The following AKAIN1 variants were observed in gnomAD, a reference collection of about 807,000 sequenced individuals.
The protein encoded by AKAIN1 is A-kinase anchor protein inhibitor 1.
AKAIN1 carries 3 observed loss-of-function variants against 3.7 expected under a neutral mutation model. That is an observed-to-expected ratio of 0.82 (90% CI 0.37 to 2.12). The LOEUF (loss-of-function observed/expected upper bound fraction) is 2.12, where lower values mean the gene tolerates loss of function less well. AKAIN1 is among the 30% of genes most tolerant of loss of function. The pLI, the probability that AKAIN1 is intolerant of heterozygous loss-of-function variation, is 0.06. For missense variants in AKAIN1, 82 were observed against 82.7 expected, an observed-to-expected ratio of 0.99 and a Z score of 0.03; for synonymous variants, 31 against 30.8, an observed-to-expected ratio of 1.01 and a Z score of -0.02.
chr18:5,196,206 C>A (rs928022095), intron 1 of AKAIN1, among the ~76,000 whole-genome samples: 1 of 152,128 alleles, frequency 6.6e-6, no homozygotes, highest in African/African-American at 2.4e-5. Flanking sequence ...CCCTAAAATG[C>A]GTGAGAGAGA....
At position 5,161,844 on chromosome 18, in the gene AKAIN1, G is replaced by A. The variant is rs77147088; in HGVS notation, c.17-16089C>T. On this transcript the variant is annotated intron_variant, in intron 1 of 1. Coordinates refer to ENST00000434239, the MANE Select transcript of AKAIN1 (RefSeq NM_001145194.2). ...AAAGCACACTGGCCAATTTTCTAAT[G>A]CTAACCAATCTTTAATTCTTTGGAT... Among the ~76,000 whole-genome samples, 584 of 152,080 alleles carry A rather than the reference G, an allele frequency of 3.8e-3. 4 individuals are homozygous for A. Among genetic ancestry groups the A allele is most frequent in the African/African-American group, 0.013 (549 of 41,504 alleles).
intron 1 of AKAIN1, among the ~76,000 whole-genome samples, chr18:5,189,397 A>G (rs1021128878): frequency 2.0e-5 from 3 of 152,122 alleles, no homozygotes; most frequent in African/African-American, 7.2e-5. Flanking sequence ...TTCACTCTTT[A>G]TATAGCCAGG....
intron 1 of AKAIN1, among the ~76,000 whole-genome samples, chr18:5,163,366 G>T (rs1407717762): frequency 1.3e-5 from 2 of 151,994 alleles, no homozygotes; most frequent in Non-Finnish European, 2.9e-5. Context: ...CTCAAACCAG[G>T]ATTATGAAGA....
chr18:5,155,735 T>C lies in AKAIN1; in HGVS notation c.17-9980A>G, dbSNP rs570704949. 3.3e-5 allele frequency among the ~76,000 whole-genome samples: 5 copies of C among 152,270 alleles called. No homozygotes were observed. In the South Asian group the frequency reaches 8.3e-4, roughly 25 times the overall value. On this transcript the variant is annotated intron_variant, in intron 1 of 1. Transcript: ENST00000434239. ...TTATAGGGGCAGCAAAAGTAGACAC[T>C]GTGTGATCTCATGTGCTAAAGGAAG...
intron 1 of AKAIN1, among the ~76,000 whole-genome samples, chr18:5,156,482 T>C (rs1318452927): frequency 6.6e-6 from 1 of 152,188 alleles, no homozygotes; most frequent in Non-Finnish European, 1.5e-5. Flanking sequence ...AGGAAAATTA[T>C]CCTCTGCCAT....
chr18:5,145,512 T>C lies in AKAIN1; in HGVS notation c.*50A>G, dbSNP rs1421307792. On this transcript the variant is annotated 3_prime_UTR_variant, in exon 2 of 2. Transcript: ENST00000434239. ...AACATTTTGGAGATGCGTCCTATACTAAGAGGAAGGCTAGAAACCAAGCAC... is the reference window on the plus strand; with the variant it reads ...AACATTTTGGAGATGCGTCCTATACCAAGAGGAAGGCTAGAAACCAAGCAC... 2 of 1,489,578 alleles carry C rather than the reference T, an allele frequency of 1.3e-6. No homozygotes were observed. Among genetic ancestry groups the C allele is most frequent in the Admixed American group, 2.0e-5 (1 of 50,240 alleles). The allele number at this position is 1,489,578 out of a possible 1,614,324, so 92.3% of individuals were successfully genotyped here.
intron 1 of AKAIN1, 93 bp from the exon 2 acceptor site, chr18:5,145,848 G>C: frequency 2.8e-6 from 3 of 1,084,742 alleles, no homozygotes; most frequent in Non-Finnish European, 4.0e-6. Context: ...GGAGGGAAGA[G>C]TGAGACTGTA....
rs527303559 is a variant in AKAIN1 at position 5,143,726 on chromosome 18, CAGAGGTCAATA to C, written c.*1825_*1835del. On this transcript the variant is annotated 3_prime_UTR_variant, in exon 2 of 2. Coordinates refer to ENST00000434239, the MANE Select transcript of AKAIN1 (RefSeq NM_001145194.2). ...TTTATTTATAAATAACATTTAGACA[CAGAGGTCAATA>C]AGATGTTCCAAAAATTCCCAATTTT... Among the ~76,000 whole-genome samples, 2 of 152,120 alleles carry C rather than the reference CAGAGGTCAATA, an allele frequency of 1.3e-5. No individual in the cohort carries two copies. Among genetic ancestry groups the C allele is most frequent in the Admixed American group, 6.6e-5 (1 of 15,264 alleles).
chr18:5,158,492 T>C (rs1469115223), intron 1 of AKAIN1, among the ~76,000 whole-genome samples: 2 of 152,202 alleles, frequency 1.3e-5, no homozygotes, highest in Non-Finnish European at 2.9e-5. Flanking sequence ...ATCTCTGCCA[T>C]CTCCTAGCTT....
At chr18:5,154,581 A>G (rs2657955) in intron 1 of AKAIN1, among the ~76,000 whole-genome samples, 79,195 of 151,214 alleles carry the variant, frequency 0.52, 20,890 homozygotes, top group South Asian at 0.71. Context: ...CAACCAACTG[A>G]CCAGACCCCT....
intron 1 of AKAIN1, among the ~76,000 whole-genome samples, chr18:5,192,442 T>TC (rs2071326539): frequency 7.7e-6 from 1 of 129,230 alleles, no homozygotes; most frequent in Admixed American, 8.4e-5. Flanking sequence ...TCTTTCTTTC[T>TC]TTCTTTTTCT....
chr18:5,181,316 T>C (rs2071257180), intron 1 of AKAIN1, among the ~76,000 whole-genome samples: 1 of 151,990 alleles, frequency 6.6e-6, no homozygotes, highest in Admixed American at 6.6e-5. Context: ...AGAAGTATAA[T>C]TTTTTAAAGG....
At chr18:5,157,649 C>T (rs370050862) in intron 1 of AKAIN1, among the ~76,000 whole-genome samples, 3 of 152,092 alleles carry the variant, frequency 2.0e-5, no homozygotes, top group East Asian at 1.9e-4. Context: ...ATGCATGACT[C>T]GTTACCACTT....
chr18:5,172,597 T>C (rs969253094), intron 1 of AKAIN1, among the ~76,000 whole-genome samples: 1 of 152,068 alleles, frequency 6.6e-6, no homozygotes, highest in Non-Finnish European at 1.5e-5. Context: ...TGTTTTTGCC[T>C]CTAAGAAATT....
intron 1 of AKAIN1, among the ~76,000 whole-genome samples, chr18:5,175,238 G>A (rs907155771): frequency 8.5e-5 from 13 of 152,084 alleles, no homozygotes; most frequent in African/African-American, 3.1e-4. Flanking sequence ...TGCCCCACAA[G>A]CACAGAATTA....
chr18:5,196,928 C>T (rs2143050746), intron 1 of AKAIN1, 110 bp downstream of exon 1: 1 of 1,031,474 alleles, frequency 9.7e-7, no homozygotes, highest in Non-Finnish European at 1.5e-6. Flanking sequence ...ACAGTAACTC[C>T]GAAACGCGCA....
intron 1 of AKAIN1, among the ~76,000 whole-genome samples, chr18:5,151,583 G>C (rs924231274): frequency 6.6e-6 from 1 of 152,166 alleles, no homozygotes; most frequent in African/African-American, 2.4e-5. Context: ...GCTATCAGCA[G>C]GCATAGGACA....
intron 1 of AKAIN1, chr18:5,159,371 T>C (rs2071126706): frequency 6.6e-6 from 1 of 152,168 alleles, no homozygotes; most frequent in Non-Finnish European, 1.5e-5. Context: ...GCTTTTGGTC[T>C]GAGAACCAGA....
At chr18:5,172,583 T>C (rs2071204018) in intron 1 of AKAIN1, among the ~76,000 whole-genome samples, 1 of 152,112 alleles carries the variant, frequency 6.6e-6, no homozygotes, top group Admixed American at 6.5e-5. Flanking sequence ...TTTATGTAAC[T>C]ATGTGTTTTT....
Sources: allele counts gnomAD v4.1 joint callset (sites outside exome capture counted in the v4.1 genomes callset), GRCh38; gene constraint gnomAD v4.1.1; transcripts MANE v1.5; gene names NCBI Gene and HGNC (gene_info 2026-07-23, HGNC 2026-07-21).